PPP1R9A: variants seen among roughly 807,000 people sequenced by gnomAD.
PPP1R9A encodes the protein protein phosphatase 1 regulatory subunit 9A.
Under a neutral mutation model 141.9 loss-of-function variants are expected in PPP1R9A, and 59 were observed. The observed-to-expected ratio is 0.42, with a 90% CI of 0.34 to 0.52. The LOEUF is 0.52. PPP1R9A is among the 20% of genes least tolerant of loss of function. PPP1R9A has a pLI of 0.10. For missense variants in PPP1R9A, 1,444 were observed against 1,611.9 expected (o/e 0.90, Z 1.78); for synonymous variants, 500 against 569.7 (o/e 0.88, Z 1.74).
chr7:95,178,288 G>T (rs909714666), intron 5 of PPP1R9A, among the ~76,000 whole-genome samples: 1 of 151,932 alleles, frequency 6.6e-6, no homozygotes, highest in Non-Finnish European at 1.5e-5. Flanking sequence ...ATGATCATTG[G>T]GTCAAAAATG....
chr7:95,083,698 T>A (rs1816234586), intron 2 of PPP1R9A, among the ~76,000 whole-genome samples: 3 of 151,806 alleles, frequency 2.0e-5, no homozygotes, highest in Admixed American at 2.0e-4. Flanking sequence ...AGTGTAGAAG[T>A]CTCTAAACAA....
At chr7:94,922,645 C>T (rs1247673566) in intron 2 of PPP1R9A, among the ~76,000 whole-genome samples, 2 of 152,082 alleles carry the variant, frequency 1.3e-5, no homozygotes, top group Admixed American at 1.3e-4. Context: ...TGGTTAAATG[C>T]TGAATATGCA....
chr7:95,164,451 G>A (rs1354376378), intron 5 of PPP1R9A, among the ~76,000 whole-genome samples: 2 of 151,720 alleles, frequency 1.3e-5, no homozygotes, highest in Admixed American at 6.6e-5. Context: ...TTATCAGACT[G>A]TAACTAGATC....
intron 5 of PPP1R9A, among the ~76,000 whole-genome samples, chr7:95,168,722 G>A (rs1831653602): frequency 6.6e-6 from 1 of 151,994 alleles, no homozygotes; most frequent in Non-Finnish European, 1.5e-5. Flanking sequence ...TAAAAAGTCG[G>A]CAAAGGATAT....
chr7:95,150,828 T>TA (rs1318200159), intron 4 of PPP1R9A, among the ~76,000 whole-genome samples: 5 of 149,676 alleles, frequency 3.3e-5, no homozygotes, highest in Non-Finnish European at 3.0e-5. Flanking sequence ...AAGAAAACTA[T>TA]AACTTGATTT....
rs533213300 is a variant in PPP1R9A, at chr7:95,212,317, G to A, written c.1956+8587G>A. ...CACCAAAGAAAGACCTTTGTAAGAA[G>A]TCTTTTCTTAAAAATAAAGAAAAAA... On this transcript the variant is annotated intron_variant, in intron 7 of 19. Coordinates refer to ENST00000433360, the MANE Select transcript of PPP1R9A (RefSeq NM_001166160.2). Among the ~76,000 whole-genome samples, 8 of 151,936 alleles carry A rather than the reference G, an allele frequency of 5.3e-5. No individual in the cohort carries two copies. In the South Asian group the frequency reaches 1.7e-3, roughly 32 times the overall value.
intron 2 of PPP1R9A, among the ~76,000 whole-genome samples, chr7:94,999,378 C>T (rs1162292707): frequency 6.6e-6 from 1 of 152,178 alleles, no homozygotes; most frequent in Non-Finnish European, 1.5e-5. Context: ...GGGACAGCCA[C>T]TCTAGATGGA....
chr7:94,918,326 C>T (rs1792342740), intron 2 of PPP1R9A, among the ~76,000 whole-genome samples: 1 of 151,894 alleles, frequency 6.6e-6, no homozygotes, highest in Admixed American at 6.6e-5. Context: ...GTAGCATACT[C>T]CTGACAGATG....
intron 2 of PPP1R9A, among the ~76,000 whole-genome samples, chr7:95,030,154 C>A (rs1465329763): frequency 6.6e-6 from 1 of 152,180 alleles, no homozygotes; most frequent in Non-Finnish European, 1.5e-5. Context: ...TAATTAACAG[C>A]AGAGTAATAT....
intron 2 of PPP1R9A, among the ~76,000 whole-genome samples, chr7:95,106,023 G>A (rs553421674): frequency 2.2e-4 from 34 of 152,268 alleles, no homozygotes; most frequent in Non-Finnish European, 3.8e-4. Context: ...GGGAGACCAA[G>A]GTGGAAGGAT....
At chr7:95,006,884 C>T (rs898084355) in intron 2 of PPP1R9A, among the ~76,000 whole-genome samples, 6 of 149,266 alleles carry the variant, frequency 4.0e-5, no homozygotes, top group South Asian at 2.1e-4. Flanking sequence ...TTTTGAGAGA[C>T]GGAGTTTCGC....
intron 5 of PPP1R9A, among the ~76,000 whole-genome samples, chr7:95,186,939 T>C (rs1237320546): frequency 6.6e-6 from 1 of 152,124 alleles, no homozygotes; most frequent in African/African-American, 2.4e-5. Flanking sequence ...TTTTTGCATC[T>C]ATGTTCATCA....
At position 95,293,705 on chromosome 7, in the gene PPP1R9A, A is replaced by G. The variant is rs1377705644; in HGVS notation, c.*3402A>G. 6.6e-6 allele frequency: 1 copy of G among 152,236 alleles called. No individual in the cohort carries two copies. Among genetic ancestry groups the G allele is most frequent in the East Asian group, 1.9e-4 (1 of 5,202 alleles). 9.4% of individuals were successfully genotyped at this position (152,236 alleles called of 1,614,324 possible). On this transcript the variant is annotated 3_prime_UTR_variant, in exon 20 of 20. Transcript: ENST00000433360. ...AGTCCCAAGCTACAAAAATGGTCACAGGTGGTTTGATCTAGCACCTCGGCC... is the reference window on the plus strand; with the variant it reads ...AGTCCCAAGCTACAAAAATGGTCACGGGTGGTTTGATCTAGCACCTCGGCC...
chr7:94,945,518 G>A (rs1490148623), intron 2 of PPP1R9A, among the ~76,000 whole-genome samples: 1 of 152,010 alleles, frequency 6.6e-6, no homozygotes, highest in Non-Finnish European at 1.5e-5. Flanking sequence ...GTATCAAATT[G>A]ACATGAAAAC....
chr7:95,065,045 C>T (rs1812761360), intron 2 of PPP1R9A, among the ~76,000 whole-genome samples: 1 of 151,960 alleles, frequency 6.6e-6, no homozygotes, highest in African/African-American at 2.4e-5. Context: ...GAAACTGGAG[C>T]CCAAGTGTTT....
Position 94,911,222 on chromosome 7 carries a change from C to T in PPP1R9A, c.1109C>T (p.Thr370Ile), listed in dbSNP as rs188108904. The T allele has an allele frequency of 7.5e-5, 121 of 1,614,188 alleles. No homozygotes were observed. In the East Asian group the frequency reaches 2.3e-3, roughly 31 times the overall value. Residue 370 changes from threonine to isoleucine, a missense_variant, in exon 2 of 20, where the codon ACC becomes ATC. Physicochemically the swap from Thr to Ile is moderately conservative, Grantham distance 89. Coordinates refer to ENST00000433360, the MANE Select transcript of PPP1R9A (RefSeq NM_001166160.2). ...QRKELAGGDF[T>I]SPDASASSCG... is the part of the protein sequence containing the mutation. ...AAAGAACTTGCAGGTGGTGATTTCACCTCTCCTGATGCTTCTGCATCCAGT... is the reference window on the plus strand; with the variant it reads ...AAAGAACTTGCAGGTGGTGATTTCATCTCTCCTGATGCTTCTGCATCCAGT...
In PPP1R9A at chr7:95,105,547, G is replaced by A. The variant is rs547251062; in HGVS notation, c.1396-5712G>A. Among the ~76,000 whole-genome samples the A allele has an allele frequency of 1.1e-4, 17 of 152,332 alleles. 1 individual carries two copies. In the South Asian group the frequency reaches 3.5e-3, roughly 32 times the overall value. On this transcript the variant is annotated intron_variant, in intron 2 of 19. Coordinates refer to ENST00000433360, the MANE Select transcript of PPP1R9A (RefSeq NM_001166160.2). ...CTCAGTGAAATAAAACAGGAACAAT[G>A]TGAAGGTAGCTTGAACTACAAAAAT...
At chr7:94,966,219 G>A (rs1478913808) in intron 2 of PPP1R9A, among the ~76,000 whole-genome samples, 3 of 152,040 alleles carry the variant, frequency 2.0e-5, no homozygotes, top group African/African-American at 7.3e-5. Context: ...GGAGATTTTG[G>A]GCTGAGACCC....
Position 95,273,983 on chromosome 7 carries a change from T to C in PPP1R9A, c.3209T>C (p.Leu1070Pro), listed in dbSNP as rs1313458860. 1 of 1,504,154 alleles carries C rather than the reference T, an allele frequency of 6.6e-7. No individual in the cohort carries two copies. The highest frequency in any genetic ancestry group is 9.1e-7 in the Non-Finnish European group (1 of 1,094,812). 93.2% of individuals were successfully genotyped at this position (1,504,154 alleles called of 1,614,324 possible). A position where few individuals can be genotyped will look rare whatever the true frequency, so the allele number is the denominator to read the frequency against. Residue 1070 changes from leucine (L) to proline (P), a missense_variant, in exon 15 of 20, where the codon CTG becomes CCG. Coordinates refer to ENST00000433360, the MANE Select transcript of PPP1R9A (RefSeq NM_001166160.2). Reference protein sequence around the residue: ...GGKIKRKFVDLGAPLRRNSSK... With the variant: ...GGKIKRKFVDPGAPLRRNSSK... Reference sequence around the variant, plus strand: ...AAAATTAAGCGGAAGTTTGTGGATCTGGGGTAAGCACTTCACGATGTAAAA... The same window carrying C: ...AAAATTAAGCGGAAGTTTGTGGATCCGGGGTAAGCACTTCACGATGTAAAA...
Sources: gnomAD v4.1 joint callset for allele counts (sites outside exome capture counted in the v4.1 genomes callset) on GRCh38, gnomAD v4.1.1 for gene constraint, MANE v1.5 for transcripts, NCBI Gene and HGNC (gene_info 2026-07-23, HGNC 2026-07-21) for gene names.